The following CHST8 variants were observed in gnomAD, a reference collection of about 807,000 sequenced individuals.
The protein encoded by CHST8 is GALNAC-4-ST1.
CHST8 carries 10 observed loss-of-function variants against 15.0 expected under a neutral mutation model. That is an observed-to-expected ratio of 0.67 (90% CI 0.41 to 1.13). The LOEUF (loss-of-function observed/expected upper bound fraction) is 1.13, where lower values mean the gene tolerates loss of function less well. Ranked by LOEUF, CHST8 falls within the 50% of genes most tolerant of loss-of-function variation. The pLI is 0.00. For synonymous variants in CHST8, 259 were observed against 256.6 expected (o/e 1.01, Z -0.09); for missense variants, 634 against 608.2 (o/e 1.04, Z -0.45).
At chr19:33,713,512 CTGAGTATTCTGAGT>C (rs955889679) in intron 3 of CHST8, among the ~76,000 whole-genome samples, 1 of 151,990 alleles carries the variant, frequency 6.6e-6, no homozygotes, top group Non-Finnish European at 1.5e-5. Flanking sequence ...CAGGCAAAAC[CTGAGTATTCTGAGT>C]TATGTCCACT....
chr19:33,723,194 C>A (rs1358912396), intron 3 of CHST8, among the ~76,000 whole-genome samples: 3 of 152,160 alleles, frequency 2.0e-5, no homozygotes, highest in African/African-American at 7.2e-5. Flanking sequence ...TGCGTGCATG[C>A]CTGGAGGCTG....
chr19:33,757,462 GAAAGAAAGAAAGAAAGAAAGAAA>G (rs1974590137), intron 3 of CHST8, among the ~76,000 whole-genome samples: 2 of 38,146 alleles, frequency 5.2e-5, no homozygotes, highest in Non-Finnish European at 1.1e-4. Flanking sequence ...AAGAAAGAAA[GAAAGAAAGAAAGAAAGAAAGAAA>G]GAAAGAAAGA....
At chr19:33,680,334 G>A (rs1370762288) in intron 2 of CHST8, among the ~76,000 whole-genome samples, 1 of 152,154 alleles carries the variant, frequency 6.6e-6, no homozygotes, top group African/African-American at 2.4e-5. Context: ...TGGGCCTCGA[G>A]CAGGTGTTCC....
chr19:33,625,233 G>A (rs1972036119), intron 1 of CHST8, among the ~76,000 whole-genome samples: 1 of 150,468 alleles, frequency 6.6e-6, no homozygotes, highest in South Asian at 2.1e-4. Flanking sequence ...TTACAGGCAT[G>A]CGCCACCACT....
At chr19:33,688,246 T>C (rs1338947814) in intron 2 of CHST8, among the ~76,000 whole-genome samples, 2 of 152,242 alleles carry the variant, frequency 1.3e-5, no homozygotes, top group Non-Finnish European at 2.9e-5. Context: ...CCCATCTCCA[T>C]GCACAGCCTG....
In CHST8 at chr19:33,694,461, C is replaced by T. The variant is rs151297577; in HGVS notation, c.130+5070C>T. On this transcript the variant is annotated intron_variant, in intron 3 of 4. Coordinates refer to ENST00000650847, the MANE Select transcript of CHST8 (RefSeq NM_001127895.2). The stretch of plus-strand genomic sequence containing the variant: ...GCACAGACAATGGGATTGGACAGCC[C>T]CCGATGACTCCTAGGTCTGTGGCCT... 4.6e-3 allele frequency among the ~76,000 whole-genome samples: 696 copies of T among 151,742 alleles called. 6 individuals are homozygous for T. Among genetic ancestry groups the T allele is most frequent in the African/African-American group, 0.016 (676 of 41,346 alleles).
intron 3 of CHST8, among the ~76,000 whole-genome samples, chr19:33,695,461 A>G (rs190763149): frequency 2.5e-4 from 38 of 152,250 alleles, no homozygotes; most frequent in African/African-American, 8.9e-4. Context: ...GTTTTTGGTT[A>G]CGTGGGTAAG....
intron 3 of CHST8, among the ~76,000 whole-genome samples, chr19:33,739,092 T>G (rs1974139280): frequency 6.6e-6 from 1 of 152,134 alleles, no homozygotes; most frequent in African/African-American, 2.4e-5. Flanking sequence ...CCATGTAAAG[T>G]TACACGGTTT....
chr19:33,654,965 T>TG (rs772422661), intron 1 of CHST8, among the ~76,000 whole-genome samples: 22 of 152,156 alleles, frequency 1.4e-4, no homozygotes, highest in Non-Finnish European at 2.5e-4. Context: ...TTGTATCTAA[T>TG]GATTTTTATC....
At chr19:33,667,179 C>T (rs1362684511) in intron 1 of CHST8, among the ~76,000 whole-genome samples, 2 of 152,144 alleles carry the variant, frequency 1.3e-5, no homozygotes, top group Non-Finnish European at 2.9e-5. Context: ...ACATTCATCC[C>T]CTTTGCCTGT....
At chr19:33,700,998 C>T (rs1466789887) in intron 3 of CHST8, among the ~76,000 whole-genome samples, 1 of 152,100 alleles carries the variant, frequency 6.6e-6, no homozygotes, top group East Asian at 1.9e-4. Context: ...CTGGATACCC[C>T]GAGCCTAGTG....
chr19:33,623,181 G>C (rs899009815), intron 1 of CHST8, among the ~76,000 whole-genome samples: 5 of 152,166 alleles, frequency 3.3e-5, no homozygotes, highest in African/African-American at 1.2e-4. Flanking sequence ...CTCCAGGCCC[G>C]CGACCCCGAC....
intron 3 of CHST8, among the ~76,000 whole-genome samples, chr19:33,769,357 G>A (rs1296734791): frequency 2.6e-5 from 4 of 152,230 alleles, no homozygotes; most frequent in African/African-American, 9.6e-5. Flanking sequence ...ACACCTTGAT[G>A]AGATGACAGG....
chr19:33,646,127 C>CA (rs55998520), intron 1 of CHST8, among the ~76,000 whole-genome samples: 23 of 151,366 alleles, frequency 1.5e-4, no homozygotes, highest in Non-Finnish European at 3.2e-4. Context: ...GACTCTGTCT[C>CA]AAAAAAAAAC....
chr19:33,697,945 G>C (rs1973251894), intron 3 of CHST8, among the ~76,000 whole-genome samples: 1 of 152,178 alleles, frequency 6.6e-6, no homozygotes, highest in Non-Finnish European at 1.5e-5. Context: ...TGGCAACAAG[G>C]AGCTCTGGGG....
intron 2 of CHST8, among the ~76,000 whole-genome samples, chr19:33,687,585 G>A (rs539672591): frequency 5.1e-4 from 78 of 152,308 alleles, no homozygotes; most frequent in Admixed American, 1.2e-3. Flanking sequence ...ATAGCCCAGC[G>A]TCAGGTGCCT....
chr19:33,641,698 T>G (rs1239232406), intron 1 of CHST8, among the ~76,000 whole-genome samples: 2 of 142,058 alleles, frequency 1.4e-5, no homozygotes, highest in African/African-American at 2.7e-5. Flanking sequence ...ACCCTTGGAG[T>G]CAGGCCTCAG....
chr19:33,684,008 A>C (rs1304987080), intron 2 of CHST8, among the ~76,000 whole-genome samples: 3 of 152,156 alleles, frequency 2.0e-5, no homozygotes, highest in African/African-American at 7.2e-5. Flanking sequence ...AGCCCTGGGC[A>C]GAGATAGTGT....
intron 2 of CHST8, 88 bp downstream of exon 2, chr19:33,667,931 C>G (rs947074001): frequency 9.9e-5 from 15 of 152,076 alleles, no homozygotes; most frequent in Admixed American, 9.2e-4. Flanking sequence ...TCGGAAGAAT[C>G]GATACCACAA....
Sources: allele counts gnomAD v4.1 joint callset (sites outside exome capture counted in the v4.1 genomes callset), GRCh38; gene constraint gnomAD v4.1.1; transcripts MANE v1.5; gene names NCBI Gene and HGNC (gene_info 2026-07-23, HGNC 2026-07-21).